TXK: variants seen among roughly 807,000 people sequenced by gnomAD.
TXK encodes the protein tyrosine-protein kinase TXK.
Under a neutral mutation model 81.0 loss-of-function variants are expected in TXK, and 60 were observed. That is an observed-to-expected ratio of 0.74 (90% CI 0.60 to 0.92). The LOEUF (loss-of-function observed/expected upper bound fraction) is 0.92, where lower values mean the gene tolerates loss of function less well. Ranked by LOEUF, TXK falls within the 40% of genes least tolerant of loss-of-function variation. The pLI is 0.00. For synonymous variants in TXK, 203 were observed against 210.7 expected (o/e 0.96, Z 0.32); for missense variants, 581 against 638.3 (o/e 0.91, Z 0.97).
chr4:48,083,543 G>A (rs1372422278), intron 10 of TXK, among the ~76,000 whole-genome samples: 1 of 151,862 alleles, frequency 6.6e-6, no homozygotes, highest in African/African-American at 2.4e-5. Context: ...TAAATTAATT[G>A]AGACTTGTCT....
chr4:48,121,950 A>C (rs1432674650), intron 1 of TXK, among the ~76,000 whole-genome samples: 1 of 152,176 alleles, frequency 6.6e-6, no homozygotes, highest in Non-Finnish European at 1.5e-5. Context: ...ATATATTTCA[A>C]CACAATTTAA....
chr4:48,076,034 G>A (rs1717056223), intron 12 of TXK, among the ~76,000 whole-genome samples: 1 of 152,118 alleles, frequency 6.6e-6, no homozygotes, highest in Admixed American at 6.5e-5. Flanking sequence ...TGTTTGGTGA[G>A]GACACAGAAA....
Position 48,073,830 on chromosome 4 carries a change from G to T in TXK, c.1357+105C>A, listed in dbSNP as rs928040040. 11 of 786,166 alleles carry T rather than the reference G, an allele frequency of 1.4e-5. No individual in the cohort carries two copies. In the African/African-American group the frequency reaches 1.9e-4, roughly 14 times the overall value. 48.7% of individuals were successfully genotyped at this position (786,166 alleles called of 1,614,324 possible). On this transcript the variant is annotated intron_variant, in intron 13 of 14. Coordinates refer to ENST00000264316, the MANE Select transcript of TXK (RefSeq NM_003328.3). Reference sequence around the variant, plus strand: ...ACAGAAGGAAGCACAATTACAAGAAGACTTTTTAAAAAATGCTATATCAAT... The same window carrying T: ...ACAGAAGGAAGCACAATTACAAGAATACTTTTTAAAAAATGCTATATCAAT...
chr4:48,114,927 G>T (rs1442700558), intron 1 of TXK, among the ~76,000 whole-genome samples: 1 of 151,692 alleles, frequency 6.6e-6, no homozygotes, highest in African/African-American at 2.4e-5. Context: ...ATTATCTGAG[G>T]AGCTTTAAAA....
chr4:48,086,703 AT>A lies in TXK; in HGVS notation c.785-67del, dbSNP rs1717546128. On this transcript the variant is annotated intron_variant, in intron 9 of 14. Coordinates refer to ENST00000264316, the MANE Select transcript of TXK (RefSeq NM_003328.3). Reference sequence around the variant, plus strand: ...ACTGTTAAAATATTAGGGCTGGAAAATGTTTAGGAAGTATCTATTATTTGAC... The same window carrying A: ...ACTGTTAAAATATTAGGGCTGGAAAAGTTTAGGAAGTATCTATTATTTGAC... 6 of 1,452,916 alleles carry A rather than the reference AT, an allele frequency of 4.1e-6. 1 individual carries two copies. In the Admixed American group the frequency reaches 9.0e-5, roughly 22 times the overall value. The allele number at this position is 1,452,916 out of a possible 1,614,324, so 90.0% of individuals were successfully genotyped here.
At chr4:48,068,502 T>C (rs771677955) in intron 14 of TXK, among the ~76,000 whole-genome samples, 3 of 152,212 alleles carry the variant, frequency 2.0e-5, no homozygotes, top group African/African-American at 4.8e-5. Context: ...CTCTCACACA[T>C]AGAAAAATGA....
intron 6 of TXK, among the ~76,000 whole-genome samples, chr4:48,103,528 C>T (rs74639358): frequency 6.6e-6 from 1 of 152,318 alleles, no homozygotes; most frequent in African/African-American, 2.4e-5. Context: ...CCATTACTGG[C>T]ATTGAGTTTT....
In TXK at chr4:48,089,733, A is replaced by G; in HGVS notation, c.784+17T>C. 5 of 1,606,568 alleles carry G rather than the reference A, an allele frequency of 3.1e-6. No homozygotes were observed. The South Asian group carries it at 4.4e-5, about 14-fold the overall frequency. ...ACTGGATTTGCTATTTTACTTCAGCATGTGTGCACACTTTACCGTAGCTAA... is the reference window on the plus strand; with the variant it reads ...ACTGGATTTGCTATTTTACTTCAGCGTGTGTGCACACTTTACCGTAGCTAA... On this transcript the variant is annotated intron_variant, in intron 9 of 14. Transcript: ENST00000264316.
chr4:48,073,818 C>A lies in TXK; in HGVS notation c.1357+117G>T, dbSNP rs375853086. The A allele has an allele frequency of 4.2e-6, 3 of 707,710 alleles. No individual in the cohort carries two copies. The Admixed American group carries it at 7.7e-5, about 18-fold the overall frequency. 43.8% of individuals were successfully genotyped at this position (707,710 alleles called of 1,614,324 possible). The stretch of plus-strand genomic sequence containing the variant: ...TGGTTAGAACACACAGAAGGAAGCA[C>A]AATTACAAGAAGACTTTTTAAAAAA... On this transcript the variant is annotated intron_variant, in intron 13 of 14. Transcript: ENST00000264316.
intron 1 of TXK, among the ~76,000 whole-genome samples, chr4:48,131,985 T>C (rs1037041982): frequency 6.6e-6 from 1 of 152,024 alleles, no homozygotes; most frequent in South Asian, 2.1e-4. Context: ...TGTTCTTATC[T>C]GCGTGAATGG....
chr4:48,079,738 C>T (rs1327734347), intron 11 of TXK, among the ~76,000 whole-genome samples, 174 bp downstream of exon 11: 1 of 152,202 alleles, frequency 6.6e-6, no homozygotes, highest in African/African-American at 2.4e-5. Flanking sequence ...TTTACAGCTA[C>T]AGCATCAATG....
chr4:48,127,826 TTG>T (rs1226068193), intron 1 of TXK, among the ~76,000 whole-genome samples: 5 of 152,284 alleles, frequency 3.3e-5, no homozygotes, highest in African/African-American at 9.6e-5. Flanking sequence ...TCTTTGGTAT[TTG>T]TGTTTTTTCC....
chr4:48,073,638 T>C (rs1334068210), intron 13 of TXK, among the ~76,000 whole-genome samples: 1 of 152,202 alleles, frequency 6.6e-6, no homozygotes, highest in East Asian at 1.9e-4. Flanking sequence ...CCTTCAAGCC[T>C]CTGCGGAGTG....
At chr4:48,093,209 A>C (rs537120883) in intron 8 of TXK, among the ~76,000 whole-genome samples, 1 of 152,220 alleles carries the variant, frequency 6.6e-6, no homozygotes, top group African/African-American at 2.4e-5. Flanking sequence ...GCATCCCACA[A>C]GTGGATAAAA....
At chr4:48,133,760 T>C (rs1444963911) in intron 1 of TXK, among the ~76,000 whole-genome samples, 1 of 152,134 alleles carries the variant, frequency 6.6e-6, no homozygotes, top group Non-Finnish European at 1.5e-5. Flanking sequence ...TGTGTATTTA[T>C]ATATATATAA....
In TXK at chr4:48,067,530, CA is replaced by C; in HGVS notation, c.*106del. ...TCTTTGCACTGTTTTCAAGAGTCAG[CA>C]ACTCTGAAGAAAGATATTCACCATA... On this transcript the variant is annotated 3_prime_UTR_variant, in exon 15 of 15. Transcript: ENST00000264316. The C allele has an allele frequency of 2.6e-6, 3 of 1,151,484 alleles. No homozygotes were observed. The South Asian group carries it at 4.0e-5, about 15-fold the overall frequency. The allele number at this position is 1,151,484 out of a possible 1,614,324, so 71.3% of individuals were successfully genotyped here.
At chr4:48,091,510 C>G (rs1717773316) in intron 8 of TXK, among the ~76,000 whole-genome samples, 1 of 145,036 alleles carries the variant, frequency 6.9e-6, no homozygotes, top group Non-Finnish European at 1.5e-5. Flanking sequence ...TTTTTCTTTT[C>G]TTTTTTTTTT....
chr4:48,089,987 A>T (rs528626483), intron 8 of TXK, among the ~76,000 whole-genome samples, 163 bp from the exon 9 acceptor site: 110 of 150,324 alleles, frequency 7.3e-4, no homozygotes, highest in African/African-American at 1.4e-3. Context: ...TCCAAAAAAA[A>T]ATATATACTC....
chr4:48,086,831 A>G (rs1717551252), intron 9 of TXK, among the ~76,000 whole-genome samples, 194 bp from the exon 10 acceptor site: 1 of 152,188 alleles, frequency 6.6e-6, no homozygotes, highest in African/African-American at 2.4e-5. Flanking sequence ...CAAAACACAA[A>G]CTTTATTTAT....
Sources: allele counts gnomAD v4.1 joint callset (sites outside exome capture counted in the v4.1 genomes callset), GRCh38; gene constraint gnomAD v4.1.1; transcripts MANE v1.5; gene names NCBI Gene and HGNC (gene_info 2026-07-23, HGNC 2026-07-21).